Variants in TAFA5 observed in about 807,000 individuals in gnomAD.
TAFA5 encodes the protein chemokine-like protein TAFA-5.
A neutral mutation model predicts 15.3 loss-of-function variants in TAFA5; 6 were observed. That is an observed-to-expected ratio of 0.39 (90% CI 0.21 to 0.77). The LOEUF is 0.77. TAFA5 is among the 30% of genes least tolerant of loss of function. The pLI, the probability that TAFA5 is intolerant of heterozygous loss-of-function variation, is 0.41. For synonymous variants in TAFA5, 103 were observed against 80.7 expected (o/e 1.28, Z -1.48); for missense variants, 161 against 193.1 (o/e 0.83, Z 0.98).
rs114424100 is a variant in TAFA5 at position 48,561,237 on chromosome 22, C to T, written c.112+71533C>T. Among the ~76,000 whole-genome samples the T allele has an allele frequency of 7.4e-3, 1,125 of 152,262 alleles. 15 individuals are homozygous for T. The highest frequency in any genetic ancestry group is 0.026 in the African/African-American group (1,076 of 41,542). ...TGGGACCCTTTGCTGGTACCTCTAT[C>T]ACCAGCCCAAGGAAAGTCCTTTCTG... is the stretch of plus-strand genomic sequence containing the variant. On this transcript the variant is annotated intron_variant, in intron 1 of 3. Transcript: ENST00000402357.
intron 3 of TAFA5, among the ~76,000 whole-genome samples, chr22:48,723,373 C>T (rs1459399066): frequency 2.6e-5 from 4 of 152,250 alleles, no homozygotes; most frequent in African/African-American, 9.6e-5. Flanking sequence ...CAAGATATGG[C>T]GGGTGGCACA....
chr22:48,716,569 G>A (rs1161155101), intron 3 of TAFA5, among the ~76,000 whole-genome samples: 1 of 152,194 alleles, frequency 6.6e-6, no homozygotes, highest in Non-Finnish European at 1.5e-5. Flanking sequence ...CCTAATGCAT[G>A]TGGGGCTTAA....
At chr22:48,564,584 G>A (rs907435437) in intron 1 of TAFA5, among the ~76,000 whole-genome samples, 2 of 152,180 alleles carry the variant, frequency 1.3e-5, no homozygotes, top group Admixed American at 1.3e-4. Context: ...CTGGGGCTCC[G>A]AGTCTTCTTC....
chr22:48,548,798 G>A lies in TAFA5; in HGVS notation c.112+59094G>A, dbSNP rs200600105. On this transcript the variant is annotated intron_variant, in intron 1 of 3. Transcript: ENST00000402357. ...TTTTCCCAACAGTCGCCTAACAACC[G>A]AAGTCTCTTATCTCCTGGCCCCTTT... is the stretch of plus-strand genomic sequence containing the variant. Among the ~76,000 whole-genome samples the A allele has an allele frequency of 4.6e-5, 7 of 152,358 alleles. No homozygotes were observed. The East Asian group carries it at 9.6e-4, about 21-fold the overall frequency.
intron 1 of TAFA5, chr22:48,576,202 G>A (rs1329811524): frequency 3.7e-6 from 1 of 271,666 alleles, no homozygotes; most frequent in Non-Finnish European, 6.2e-6. Context: ...AGTGGTCGGA[G>A]CGGCGGCCGC....
At chr22:48,515,991 A>C (rs914783404) in intron 1 of TAFA5, among the ~76,000 whole-genome samples, 1 of 150,108 alleles carries the variant, frequency 6.7e-6, no homozygotes, top group Non-Finnish European at 1.5e-5. Flanking sequence ...CACCCTCCCC[A>C]CCCCAGCCTC....
At chr22:48,576,111 G>C (rs1601589064) in intron 1 of TAFA5, among the ~76,000 whole-genome samples, 1 of 140,680 alleles carries the variant, frequency 7.1e-6, no homozygotes, top group South Asian at 2.2e-4. Context: ...CTGGCGGTGC[G>C]GCTCCGGGGG....
At chr22:48,661,992 G>A (rs567130548) in intron 2 of TAFA5, among the ~76,000 whole-genome samples, 1 of 134,658 alleles carries the variant, frequency 7.4e-6, no homozygotes, top group African/African-American at 2.9e-5. Context: ...TGGTGACTGG[G>A]GGCTCATTGG....
chr22:48,729,306 A>G (rs58917348), intron 3 of TAFA5, among the ~76,000 whole-genome samples: 6 of 83,872 alleles, frequency 7.2e-5, no homozygotes, highest in Non-Finnish European at 2.0e-4. Context: ...ATATTTATTT[A>G]TAAATATATA....
intron 1 of TAFA5, among the ~76,000 whole-genome samples, chr22:48,537,972 A>G (rs1202251716): frequency 1.3e-5 from 2 of 152,052 alleles, no homozygotes; most frequent in East Asian, 3.9e-4. Flanking sequence ...GATGCCATGG[A>G]TCCAGGCAGT....
At chr22:48,528,468 C>T (rs1194520968) in intron 1 of TAFA5, among the ~76,000 whole-genome samples, 2 of 152,146 alleles carry the variant, frequency 1.3e-5, no homozygotes, top group Admixed American at 1.3e-4. Context: ...TGGCTGCCTG[C>T]AGCCACTGCA....
Position 48,742,351 on chromosome 22 carries a change from G to C in TAFA5, c.391-7488G>C, listed in dbSNP as rs751494271. ...GTGTTGAGAAACCTGCTTCACAGCG[G>C]AGGACACAGACAGCAGAGTCAAGCA... is the stretch of plus-strand genomic sequence containing the variant. On this transcript the variant is annotated intron_variant, in intron 3 of 3. Coordinates refer to ENST00000402357, the MANE Select transcript of TAFA5 (RefSeq NM_001082967.3). This position sits in a 1 kb window ranked among gnomAD's most constrained non-coding sequence, Gnocchi z 6.2. Among the ~76,000 whole-genome samples, 1 of 152,232 alleles carries C rather than the reference G, an allele frequency of 6.6e-6. No homozygotes were observed. Among genetic ancestry groups the C allele is most frequent in the Non-Finnish European group, 1.5e-5 (1 of 68,028 alleles).
chr22:48,746,141 C>T (rs988198420), intron 3 of TAFA5, among the ~76,000 whole-genome samples: 7 of 151,834 alleles, frequency 4.6e-5, no homozygotes, highest in African/African-American at 9.7e-5. Context: ...TGGTCGCCTC[C>T]GGCCCCTGTC....
chr22:48,604,435 G>C (rs1019301308), intron 1 of TAFA5, among the ~76,000 whole-genome samples: 4 of 152,198 alleles, frequency 2.6e-5, no homozygotes, highest in African/African-American at 9.6e-5. Flanking sequence ...GTGGTGGTGG[G>C]GACAGCAGGA....
At chr22:48,614,830 C>T (rs1402104800) in intron 1 of TAFA5, among the ~76,000 whole-genome samples, 1 of 152,094 alleles carries the variant, frequency 6.6e-6, no homozygotes, top group Non-Finnish European at 1.5e-5. Context: ...ATGTGGGGGC[C>T]GGGGTAGGCA....
chr22:48,542,650 G>GTGGTGTGTGTGTGGT (rs1555886630), intron 1 of TAFA5, among the ~76,000 whole-genome samples: 7 of 54,270 alleles, frequency 1.3e-4, no homozygotes, highest in Non-Finnish European at 2.6e-4. Context: ...GTGTGTGTGT[G>GTGGTGTGTGTGTGGT]GTGTGTGTGT....
At chr22:48,659,073 C>T (rs1927345214) in intron 2 of TAFA5, among the ~76,000 whole-genome samples, 1 of 152,248 alleles carries the variant, frequency 6.6e-6, no homozygotes, top group Admixed American at 6.5e-5. Context: ...TCTCCGAGGG[C>T]CCTGCTGAGG....
intron 2 of TAFA5, among the ~76,000 whole-genome samples, chr22:48,680,037 G>T (rs535352745): frequency 6.6e-6 from 1 of 152,232 alleles, no homozygotes; most frequent in Non-Finnish European, 1.5e-5. Context: ...TCGTGAGGCT[G>T]CAGAGGGCCC....
At chr22:48,695,508 C>T (rs962378673) in intron 2 of TAFA5, among the ~76,000 whole-genome samples, 2 of 152,150 alleles carry the variant, frequency 1.3e-5, no homozygotes, top group African/African-American at 4.8e-5. Flanking sequence ...ATGAGCACCT[C>T]GGGGCTTGGG....
Sources: gnomAD v4.1 joint callset for allele counts (sites outside exome capture counted in the v4.1 genomes callset) on GRCh38, gnomAD v4.1.1 for gene constraint, Gnocchi (gnomAD v3.1) non-coding constraint, MANE v1.5 for transcripts, NCBI Gene and HGNC (gene_info 2026-07-23, HGNC 2026-07-21) for gene names.